Variants in TANC2 observed in about 807,000 individuals in gnomAD.
The protein encoded by TANC2 is tetratricopeptide repeat, ankyrin repeat and coiled-coil containing 2.
Under a neutral mutation model 210.5 loss-of-function variants are expected in TANC2, and 26 were observed. The observed-to-expected ratio is 0.12, with a 90% CI of 0.09 to 0.17. TANC2 has a LOEUF of 0.17. Among genes scored for constraint, TANC2 ranks in the 10% least tolerant of loss-of-function variants. TANC2 has a pLI of 1.00. For synonymous variants in TANC2, 931 were observed against 967.1 expected (o/e 0.96, Z 0.69); for missense variants, 2,129 against 2,608.9 (o/e 0.82, Z 4.01).
Position 63,099,219 on chromosome 17 carries a change from G to A in TANC2, c.184G>A (p.Ala62Thr), listed in dbSNP as rs377328939. The A allele has an allele frequency of 2.4e-5, 38 of 1,599,442 alleles. No homozygotes were observed. The highest frequency in any genetic ancestry group is 4.5e-5 in the East Asian group (2 of 44,186). ...CGACTGTGCTTTTGAGCCAGACTAC[G>A]CTGTCCCGCCACTTCCAGTGAGTGA... The change falls in exon 4 of 28, where the codon GCT becomes ACT. Residue 62 changes from alanine (A) to threonine (T), a missense_variant. Coordinates refer to ENST00000689528, the Ensembl canonical transcript of TANC2.
At chr17:63,362,953 C>T (rs1170447750) in intron 14 of TANC2, among the ~76,000 whole-genome samples, 2 of 152,182 alleles carry the variant, frequency 1.3e-5, no homozygotes, top group Non-Finnish European at 2.9e-5. Flanking sequence ...CCAAACTGTT[C>T]TCCATATTGA....
intron 10 of TANC2, among the ~76,000 whole-genome samples, chr17:63,315,713 G>A (rs2045293847): frequency 1.3e-5 from 2 of 152,144 alleles, no homozygotes. Context: ...GCACAGTGCT[G>A]GAAACTTAAC....
At chr17:63,411,148 G>A (rs563909212) in intron 21 of TANC2, among the ~76,000 whole-genome samples, 2 of 152,046 alleles carry the variant, frequency 1.3e-5, no homozygotes, top group African/African-American at 2.4e-5. Context: ...CGGGAGATCC[G>A]AGAGGCAGAG....
intron 8 of TANC2, among the ~76,000 whole-genome samples, chr17:63,247,248 G>A (rs567662910): frequency 1.3e-5 from 2 of 151,830 alleles, no homozygotes; most frequent in South Asian, 4.2e-4. Flanking sequence ...TGGTATATTA[G>A]GAAATATAAA....
intron 2 of TANC2, among the ~76,000 whole-genome samples, chr17:63,013,434 G>C (rs1036170513): frequency 6.6e-6 from 1 of 152,016 alleles, no homozygotes; most frequent in Non-Finnish European, 1.5e-5. Context: ...GTATGCCTAA[G>C]AGTATTTTTT....
rs971622499 is a variant in TANC2, at chr17:63,412,620, T to C, written c.3899-60T>C. ...TGCTTTTTCCTTCTTTTTTTTTTTTTCACCTTCATCCATTTTTTTTTCCTC... is the reference window on the plus strand; with the variant it reads ...TGCTTTTTCCTTCTTTTTTTTTTTTCCACCTTCATCCATTTTTTTTTCCTC... On this transcript the variant is annotated intron_variant, in intron 23 of 27. Coordinates refer to ENST00000689528, the Ensembl canonical transcript of TANC2. The surrounding 1 kb of genome is among the most constrained non-coding windows in gnomAD (Gnocchi z 4.2). The C allele has an allele frequency of 4.9e-6, 7 of 1,416,214 alleles. No individual in the cohort carries two copies. Among genetic ancestry groups the C allele is most frequent in the East Asian group, 5.0e-5 (2 of 40,356 alleles). 87.7% of individuals were successfully genotyped at this position (1,416,214 alleles called of 1,614,324 possible).
intron 10 of TANC2, among the ~76,000 whole-genome samples, chr17:63,315,834 G>A (rs544337706): frequency 1.3e-5 from 2 of 152,218 alleles, no homozygotes; most frequent in Non-Finnish European, 2.9e-5. Context: ...GATGTCTAAC[G>A]TGGAAGAACT....
At chr17:63,375,553 A>G (rs761637403) in intron 14 of TANC2, among the ~76,000 whole-genome samples, 35 of 152,340 alleles carry the variant, frequency 2.3e-4, no homozygotes, top group Non-Finnish European at 4.4e-5. Context: ...TAGATAGTGG[A>G]TCAGAGACTT....
At chr17:63,074,154 A>C (rs528287331) in intron 3 of TANC2, 140 bp downstream of exon 3, 1 of 549,944 alleles carries the variant, frequency 1.8e-6, no homozygotes, top group African/African-American at 1.9e-5. Flanking sequence ...AAATGATATG[A>C]TGTAAAAATC....
chr17:63,253,636 A>T (rs939772938), intron 8 of TANC2, among the ~76,000 whole-genome samples: 2 of 152,008 alleles, frequency 1.3e-5, no homozygotes, highest in African/African-American at 4.8e-5. Context: ...TTTTTGACAT[A>T]GGATCTCGCT....
chr17:63,203,869 C>T (rs962680906), intron 7 of TANC2, among the ~76,000 whole-genome samples: 1 of 151,932 alleles, frequency 6.6e-6, no homozygotes, highest in Non-Finnish European at 1.5e-5. Context: ...GACACATGTT[C>T]CAAGGAAGGT....
chr17:62,996,980 A>ATTTTTTTTTTTTTTTTTTTTTTT (rs201583644), intron 1 of TANC2, among the ~76,000 whole-genome samples: 1 of 138,426 alleles, frequency 7.2e-6, no homozygotes, highest in East Asian at 2.0e-4. Flanking sequence ...CGTCTGGCTA[A>ATTTTTTTTTTTTTTTTTTTTTTT]TTTTTTGTAT....
chr17:63,266,217 A>C (rs911644133), intron 8 of TANC2, among the ~76,000 whole-genome samples: 3 of 152,084 alleles, frequency 2.0e-5, no homozygotes, highest in South Asian at 2.1e-4. Context: ...ATATTAATAA[A>C]ATTTTAATAA....
At chr17:62,975,866 A>G (rs976364634) in intron 1 of TANC2, among the ~76,000 whole-genome samples, 2 of 152,162 alleles carry the variant, frequency 1.3e-5, no homozygotes, top group African/African-American at 2.4e-5. Context: ...GGTAATTTTT[A>G]TTAGCCTGTG....
At chr17:63,030,376 A>G (rs1235170239) in intron 2 of TANC2, among the ~76,000 whole-genome samples, 1 of 152,156 alleles carries the variant, frequency 6.6e-6, no homozygotes, top group Non-Finnish European at 1.5e-5. Flanking sequence ...GCTCAACAGC[A>G]TCACCAAAGA....
At chr17:63,190,766 A>G (rs1022911109) in intron 5 of TANC2, among the ~76,000 whole-genome samples, 10 of 152,236 alleles carry the variant, frequency 6.6e-5, no homozygotes, top group African/African-American at 1.7e-4. Context: ...TACACACAAT[A>G]TGGATGAAAC....
At chr17:62,977,795 C>T (rs1022063317) in intron 1 of TANC2, among the ~76,000 whole-genome samples, 5 of 152,134 alleles carry the variant, frequency 3.3e-5, no homozygotes, top group African/African-American at 1.2e-4. Flanking sequence ...CCTCGGGTTT[C>T]TCCCTTCTCT....
chr17:63,098,541 A>G lies in TANC2; in HGVS notation c.140-634A>G, dbSNP rs187402140. ...TATATATATATATATATATGTAAAA[A>G]TTTATATATATATAATTTTATACCA... On this transcript the variant is annotated intron_variant, in intron 3 of 27. Transcript: ENST00000689528. Among the ~76,000 whole-genome samples the G allele has an allele frequency of 4.1e-3, 592 of 144,290 alleles. 4 individuals carry two copies. The highest frequency in any genetic ancestry group is 0.013 in the African/African-American group (487 of 38,304). 94.7% of individuals were successfully genotyped at this position (144,290 alleles called of 152,430 possible).
chr17:63,275,559 C>T (rs2043846937), intron 9 of TANC2, among the ~76,000 whole-genome samples: 1 of 152,176 alleles, frequency 6.6e-6, no homozygotes, highest in Non-Finnish European at 1.5e-5. Context: ...TACTGAGTCA[C>T]ACATCCCTGA....
Sources: gnomAD v4.1 joint callset for allele counts (sites outside exome capture counted in the v4.1 genomes callset) on GRCh38, gnomAD v4.1.1 for gene constraint, Gnocchi (gnomAD v3.1) non-coding constraint, MANE v1.5 for transcripts, NCBI Gene and HGNC (gene_info 2026-07-23, HGNC 2026-07-21) for gene names.